The following TDRD10 variants were observed in gnomAD, a reference collection of about 807,000 sequenced individuals.
TDRD10 encodes the protein tudor domain-containing protein 10.
Under a neutral mutation model 48.0 loss-of-function variants are expected in TDRD10, and 40 were observed. That is an observed-to-expected ratio of 0.83 (90% CI 0.65 to 1.09). The LOEUF is 1.09. TDRD10 is among the 50% of genes least tolerant of loss of function. The probability of loss-of-function intolerance (pLI) is 0.00; values close to 1 mark genes in which losing one functional copy is unlikely to be tolerated. For missense variants in TDRD10, 378 were observed against 434.7 expected (o/e 0.87, Z 1.16); for synonymous variants, 162 against 170.4 (o/e 0.95, Z 0.38).
intron 6 of TDRD10, among the ~76,000 whole-genome samples, chr1:154,537,330 G>A (rs906610696): frequency 2.6e-5 from 4 of 152,308 alleles, no homozygotes; most frequent in South Asian, 2.1e-4. Flanking sequence ...TTGTGGTGGC[G>A]TTTTATATTT....
Position 154,507,141 on chromosome 1 carries a change from A to C in TDRD10, c.3-100A>C, listed in dbSNP as rs532097724. 1.2e-4 allele frequency: 188 copies of C among 1,563,720 alleles called. No homozygotes were observed. The South Asian group carries it at 2.1e-3, about 17-fold the overall frequency. On this transcript the variant is annotated intron_variant, in intron 2 of 12. Coordinates refer to ENST00000368482, the MANE Select transcript of TDRD10 (RefSeq NM_182499.4). Reference sequence around the variant, plus strand: ...AGGGAAGCCTTTGGTCAGGAAGGGGAATGGAGGTTTATGCAAGGCCCCTCT... The same window carrying C: ...AGGGAAGCCTTTGGTCAGGAAGGGGCATGGAGGTTTATGCAAGGCCCCTCT...
At chr1:154,509,256 T>G (rs1468389361) in intron 4 of TDRD10, among the ~76,000 whole-genome samples, 8 of 152,138 alleles carry the variant, frequency 5.3e-5, no homozygotes, top group Non-Finnish European at 1.0e-4. Flanking sequence ...ATGCCAGACA[T>G]TTTTCAAAAT....
chr1:154,519,881 A>T (rs4288587), intron 4 of TDRD10, among the ~76,000 whole-genome samples: 119,524 of 151,916 alleles, frequency 0.79, 47,716 homozygotes, highest in East Asian at 0.92. Flanking sequence ...TTCCGGGAAG[A>T]GGAAGGGAAC....
At chr1:154,514,190 A>T (rs990554656) in intron 4 of TDRD10, among the ~76,000 whole-genome samples, 2 of 152,212 alleles carry the variant, frequency 1.3e-5, no homozygotes, top group Non-Finnish European at 2.9e-5. Context: ...ACTCTGTCTC[A>T]AAAATAAAAT....
chr1:154,512,540 C>T (rs536601082), intron 4 of TDRD10, among the ~76,000 whole-genome samples: 25 of 152,228 alleles, frequency 1.6e-4, no homozygotes, highest in Non-Finnish European at 2.6e-4. Flanking sequence ...GATGGGGTTT[C>T]TCCATGATGG....
At chr1:154,528,468 C>T (rs1236279452) in intron 6 of TDRD10, among the ~76,000 whole-genome samples, 5 of 151,948 alleles carry the variant, frequency 3.3e-5, no homozygotes, top group East Asian at 1.9e-4. Flanking sequence ...TCAGGTGATC[C>T]GCCCACCTCA....
At chr1:154,541,650 C>A (rs754959735) in intron 6 of TDRD10, among the ~76,000 whole-genome samples, 1 of 152,134 alleles carries the variant, frequency 6.6e-6, no homozygotes, top group Non-Finnish European at 1.5e-5. Flanking sequence ...ACCAGGTGAC[C>A]GCTACTACTT....
intron 6 of TDRD10, among the ~76,000 whole-genome samples, chr1:154,529,576 G>C (rs1436828603): frequency 8.1e-6 from 1 of 123,126 alleles, no homozygotes; most frequent in Non-Finnish European, 1.7e-5. Context: ...ACGGAGTTTT[G>C]TTCCTGTTGA....
Position 154,544,101 on chromosome 1 carries a change from CGT to C in TDRD10, c.643_644del (p.Val215HisfsTer2). 6.2e-7 allele frequency: 1 copy of C among 1,614,158 alleles called. No individual in the cohort carries two copies. On this transcript the variant is annotated frameshift_variant, in exon 9 of 13. Transcript: ENST00000368482. LOFTEE classifies it high-confidence loss of function. ...AGACCCCGTTTTTCTGGGCTATGCA[CGT>C]CACTGAGGTATGGACTGGTTGTTGG... ...PKTPFFWAMH[V>X]TEALHQNMQA...
In TDRD10 at chr1:154,502,429, G is replaced by A. The variant is rs1692831992; in HGVS notation, c.-628G>A. 1 of 152,330 alleles carries A rather than the reference G, an allele frequency of 6.6e-6. No homozygotes were observed. Among genetic ancestry groups the A allele is most frequent in the African/African-American group, 2.4e-5 (1 of 41,372 alleles). The allele number at this position is 152,330 out of a possible 1,614,324, so 9.4% of individuals were successfully genotyped here. ...GCGACAGACGGTGGACGGACGGCGA[G>A]CGGCCCATCAACTCCGCGCGCCCCT... On this transcript the variant is annotated 5_prime_UTR_variant, in exon 1 of 13. Coordinates refer to ENST00000368482, the MANE Select transcript of TDRD10 (RefSeq NM_182499.4).
At chr1:154,547,320 C>G in intron 11 of TDRD10, 89 bp from the exon 12 acceptor site, 1 of 1,437,412 alleles carries the variant, frequency 7.0e-7, no homozygotes, top group Non-Finnish European at 9.7e-7. Flanking sequence ...GAGCACTTTC[C>G]CTGCAGCCCC....
At chr1:154,527,641 A>C (rs1263119591) in intron 6 of TDRD10, among the ~76,000 whole-genome samples, 5 of 152,202 alleles carry the variant, frequency 3.3e-5, no homozygotes, top group Non-Finnish European at 5.9e-5. Context: ...ATAAAGCATC[A>C]GGTGAAAAAA....
At chr1:154,504,679 G>A (rs1693044497) in intron 1 of TDRD10, among the ~76,000 whole-genome samples, 1 of 152,226 alleles carries the variant, frequency 6.6e-6, no homozygotes, top group South Asian at 2.1e-4. Flanking sequence ...TATCTCCAGA[G>A]AAATGTCTAG....
At chr1:154,544,770 C>T (rs773951849) in intron 10 of TDRD10, 25 bp from the exon 11 acceptor site, 4 of 1,611,388 alleles carry the variant, frequency 2.5e-6, no homozygotes, top group East Asian at 2.2e-5. Flanking sequence ...TGATTGTCCT[C>T]TGTCTTTCTC....
chr1:154,534,199 G>A (rs1388085559), intron 6 of TDRD10, among the ~76,000 whole-genome samples: 2 of 152,160 alleles, frequency 1.3e-5, no homozygotes, highest in Non-Finnish European at 2.9e-5. Context: ...ATGACAGACA[G>A]TAAGGCCCCC....
chr1:154,542,752 A>C lies in TDRD10; in HGVS notation c.434A>C (p.Lys145Thr). The change falls in exon 8 of 13, where the codon AAA becomes ACA. Residue 145 changes from lysine (K) to threonine (T), a missense_variant. Physicochemically the swap from Lys to Thr is moderately conservative, Grantham distance 78. Coordinates refer to ENST00000368482, the MANE Select transcript of TDRD10 (RefSeq NM_182499.4). ...KTAAIIQLAPKAPVDLCETEK... is the reference protein window; with the variant it reads ...KTAAIIQLAPTAPVDLCETEK... The stretch of plus-strand genomic sequence containing the variant: ...CTAGCTATTATACAGCTCGCTCCTA[A>C]AGCTCCTGTTGACCTGTGTGAGACA... The C allele has an allele frequency of 6.2e-7, 1 of 1,613,686 alleles. No individual in the cohort carries two copies. The highest frequency in any genetic ancestry group is 1.3e-5 in the African/African-American group (1 of 74,990).
At chr1:154,508,299 G>C in intron 3 of TDRD10, 124 bp from the exon 4 acceptor site, 1 of 703,792 alleles carries the variant, frequency 1.4e-6, no homozygotes, top group Non-Finnish European at 2.6e-6. Context: ...AGGATTGCTT[G>C]AGCCCAGGAA....
chr1:154,542,707 A>G, intron 7 of TDRD10, 24 bp from the exon 8 acceptor site: 1 of 1,604,512 alleles, frequency 6.2e-7, no homozygotes, highest in Non-Finnish European at 8.5e-7. Context: ...TGGTGCCTCC[A>G]GGACTTAGTC....
In TDRD10 at chr1:154,546,540, G is replaced by A. The variant is rs574898028; in HGVS notation, c.953-869G>A. Among the ~76,000 whole-genome samples, 225 of 147,428 alleles carry A rather than the reference G, an allele frequency of 1.5e-3. 1 individual carries two copies. Among genetic ancestry groups the A allele is most frequent in the African/African-American group, 5.0e-3 (197 of 39,516 alleles). ...GGAAAGGCATCTCCCAATTGTGCAG[G>A]GCCAAGGCTTCCTGGGAGGCTGGTG... On this transcript the variant is annotated intron_variant, in intron 11 of 12. Coordinates refer to ENST00000368482, the MANE Select transcript of TDRD10 (RefSeq NM_182499.4).
Sources: gnomAD v4.1 joint callset for allele counts (sites outside exome capture counted in the v4.1 genomes callset) on GRCh38, gnomAD v4.1.1 for gene constraint, MANE v1.5 for transcripts, NCBI Gene and HGNC (gene_info 2026-07-23, HGNC 2026-07-21) for gene names.